Variants in SH3BGRL observed in about 807,000 individuals in gnomAD.
The protein encoded by SH3BGRL is adapter SH3BGRL.
A neutral mutation model predicts 9.8 loss-of-function variants in SH3BGRL; 7 were observed. The ratio of observed to expected loss-of-function variants is 0.72; its 90% CI spans 0.41 to 1.35. The LOEUF is 1.35. Among genes scored for constraint, SH3BGRL ranks in the 40% most tolerant of loss-of-function variants. The probability of loss-of-function intolerance (pLI) is 0.01; values close to 1 mark genes in which losing one functional copy is unlikely to be tolerated. For synonymous variants in SH3BGRL, 36 were observed against 29.1 expected, an observed-to-expected ratio of 1.24 and a Z score of -0.76; for missense variants, 73 against 84.4, an observed-to-expected ratio of 0.86 and a Z score of 0.53.
chrX:81,213,417 A>T (rs5959084), intron 1 of SH3BGRL, among the ~76,000 whole-genome samples: 1,801 of 112,312 alleles, frequency 0.016, 36 homozygotes, highest in African/African-American at 0.056. Context: ...GTGAGTCATT[A>T]TGCTAGGTAA....
chrX:81,253,706 G>A (rs2075717533), intron 1 of SH3BGRL, among the ~76,000 whole-genome samples: 1 of 112,189 alleles, frequency 8.9e-6, no homozygotes, highest in Admixed American at 9.4e-5. Context: ...CTTTATAATA[G>A]TCAAAATAAC....
chrX:81,260,676 T>G (rs192141226), intron 1 of SH3BGRL, among the ~76,000 whole-genome samples: 132 of 111,123 alleles, frequency 1.2e-3, no homozygotes, highest in African/African-American at 4.0e-3. Context: ...ATTCCATCAT[T>G]AAATTATCTA....
intron 3 of SH3BGRL, among the ~76,000 whole-genome samples, chrX:81,294,878 A>G (rs2147725211): frequency 8.9e-6 from 1 of 112,499 alleles, no homozygotes; most frequent in African/African-American, 3.2e-5. Flanking sequence ...GATGTGAGAC[A>G]TGGAGTCAAA....
chrX:81,240,738 A>G (rs751857002), intron 1 of SH3BGRL, among the ~76,000 whole-genome samples: 2 of 113,007 alleles, frequency 1.8e-5, no homozygotes, highest in Admixed American at 9.3e-5. Flanking sequence ...AGTTAAAGCT[A>G]TCTTAAACAA....
chrX:81,211,998 G>C (rs2075566119), intron 1 of SH3BGRL, among the ~76,000 whole-genome samples: 1 of 111,513 alleles, frequency 9.0e-6, no homozygotes, highest in South Asian at 3.7e-4. Flanking sequence ...CAGACTTTCA[G>C]AAAAAACATA....
At chrX:81,233,243 G>GA (rs958529875) in intron 1 of SH3BGRL, among the ~76,000 whole-genome samples, 8 of 111,593 alleles carry the variant, frequency 7.2e-5, no homozygotes, top group Admixed American at 2.8e-4. Flanking sequence ...TACACATATT[G>GA]AAAAAAATAG....
chrX:81,214,527 A>G (rs1040936068), intron 1 of SH3BGRL, among the ~76,000 whole-genome samples: 8 of 111,987 alleles, frequency 7.1e-5, no homozygotes, highest in African/African-American at 1.3e-4. Context: ...CTTTAATTTC[A>G]CCATAGAATC....
At chrX:81,204,044 TC>T (rs2075538250) in intron 1 of SH3BGRL, among the ~76,000 whole-genome samples, 1 of 111,704 alleles carries the variant, frequency 9.0e-6, no homozygotes, top group African/African-American at 3.3e-5. Flanking sequence ...CCTTCCTCCC[TC>T]CCTCCTCTGT....
At chrX:81,297,086 G>C (rs1569373276) in intron 3 of SH3BGRL, 109 bp from the exon 4 acceptor site, 3 of 536,301 alleles carry the variant, frequency 5.6e-6, no homozygotes, top group Non-Finnish European at 8.9e-6. Context: ...TCTTCTGGGG[G>C]CTTTTGTTTA....
chrX:81,218,191 A>AT (rs903632560), intron 1 of SH3BGRL, among the ~76,000 whole-genome samples: 3 of 110,202 alleles, frequency 2.7e-5, no homozygotes, highest in African/African-American at 9.9e-5. Flanking sequence ...TGGTGGTTGG[A>AT]TTTTTGTCCA....
chrX:81,255,650 G>A (rs1284861142), intron 1 of SH3BGRL: 1 of 112,244 alleles, frequency 8.9e-6, no homozygotes, highest in Non-Finnish European at 1.9e-5. Flanking sequence ...CACAGTGAGT[G>A]TTAGATTGCG....
chrX:81,257,369 G>C (rs923156418), intron 1 of SH3BGRL, among the ~76,000 whole-genome samples: 7 of 111,932 alleles, frequency 6.3e-5, no homozygotes, highest in African/African-American at 2.3e-4. Flanking sequence ...TCTATGCTGT[G>C]TAACAAATAC....
chrX:81,287,959 A>G (rs866832980), intron 3 of SH3BGRL, among the ~76,000 whole-genome samples: 11 of 101,731 alleles, frequency 1.1e-4, no homozygotes, highest in Non-Finnish European at 1.5e-4. Context: ...GAAGGAAGGA[A>G]AGAAAGAAAG....
intron 1 of SH3BGRL, among the ~76,000 whole-genome samples, chrX:81,235,134 T>C (rs2075644002): frequency 9.0e-6 from 1 of 111,426 alleles, no homozygotes; most frequent in South Asian, 3.8e-4. Context: ...GAGATAATGT[T>C]ATATGCTCCA....
intron 1 of SH3BGRL, among the ~76,000 whole-genome samples, chrX:81,267,895 C>T (rs1015121015): frequency 4.5e-5 from 5 of 111,815 alleles, no homozygotes; most frequent in Non-Finnish European, 7.5e-5. Flanking sequence ...ATTTCAGATC[C>T]TGTTACTGGT....
chrX:81,224,173 A>G (rs906784969), intron 1 of SH3BGRL, among the ~76,000 whole-genome samples: 22 of 112,151 alleles, frequency 2.0e-4, no homozygotes, highest in African/African-American at 7.1e-4. Context: ...TTGTTGTTGT[A>G]GAAGAAATAT....
chrX:81,285,465 C>T (rs1431903310), intron 3 of SH3BGRL, among the ~76,000 whole-genome samples: 1 of 111,207 alleles, frequency 9.0e-6, no homozygotes, highest in East Asian at 2.8e-4. Context: ...ACTCCTTCAC[C>T]CAGTGGTTTC....
chrX:81,292,367 G>T (rs7881107), intron 3 of SH3BGRL, among the ~76,000 whole-genome samples: 40 of 111,344 alleles, frequency 3.6e-4, no homozygotes, highest in African/African-American at 1.3e-3. Context: ...CATATCTGGG[G>T]CCCTTTTAGC....
At chrX:81,274,499 T>C (rs963667516) in intron 1 of SH3BGRL, among the ~76,000 whole-genome samples, 2 of 109,856 alleles carry the variant, frequency 1.8e-5, no homozygotes, top group African/African-American at 6.6e-5. Flanking sequence ...TAATCCCAGC[T>C]ACTCAGGAGG....
Sources: allele counts gnomAD v4.1 joint callset (sites outside exome capture counted in the v4.1 genomes callset), GRCh38; gene constraint gnomAD v4.1.1; transcripts MANE v1.5; gene names NCBI Gene and HGNC (gene_info 2026-07-23, HGNC 2026-07-21).